NTM: variants seen among roughly 807,000 people sequenced by gnomAD.
The protein encoded by NTM is IgLON family member 2.
Under a neutral mutation model 42.1 loss-of-function variants are expected in NTM, and 13 were observed. The observed-to-expected ratio is 0.31, with a 90% confidence interval of 0.20 to 0.49. The LOEUF is 0.49. Among genes scored for constraint, NTM ranks in the 20% least tolerant of loss-of-function variants. The pLI, the probability that NTM is intolerant of heterozygous loss-of-function variation, is 0.99. For missense variants in NTM, 373 were observed against 452.8 expected, an observed-to-expected ratio of 0.82 and a Z score of 1.60; for synonymous variants, 187 against 179.2, an observed-to-expected ratio of 1.04 and a Z score of -0.35.
chr11:132,186,187 G>A (rs1041163364), intron 3 of NTM, among the ~76,000 whole-genome samples: 10 of 152,152 alleles, frequency 6.6e-5, no homozygotes, highest in Non-Finnish European at 8.8e-5. Context: ...GAGCCACTGC[G>A]GTGGCTCTCT....
intron 2 of NTM, among the ~76,000 whole-genome samples, chr11:132,064,732 T>A (rs2081184397): frequency 6.6e-6 from 1 of 152,164 alleles, no homozygotes. Context: ...AACCCCATGG[T>A]TCCAGTCCAT....
chr11:131,514,587 T>A (rs900210027), intron 1 of NTM, among the ~76,000 whole-genome samples: 8 of 152,158 alleles, frequency 5.3e-5, no homozygotes, highest in Admixed American at 3.9e-4. Context: ...TATTTATTTA[T>A]TTAATTATTT....
At chr11:131,798,589 A>G (rs932819199) in intron 1 of NTM, among the ~76,000 whole-genome samples, 1 of 152,212 alleles carries the variant, frequency 6.6e-6, no homozygotes, top group South Asian at 2.1e-4. Flanking sequence ...TGACTTTTAA[A>G]AGGAGACGCA....
chr11:131,630,626 A>G (rs565377438), intron 1 of NTM, among the ~76,000 whole-genome samples: 5 of 152,274 alleles, frequency 3.3e-5, no homozygotes, highest in African/African-American at 1.2e-4. Context: ...GGACAAGTCA[A>G]AAGTTGAAGA....
chr11:131,682,083 GAC>G (rs1290423072), intron 1 of NTM, among the ~76,000 whole-genome samples: 1 of 152,152 alleles, frequency 6.6e-6, no homozygotes, highest in Non-Finnish European at 1.5e-5. Context: ...CGCACCTAGT[GAC>G]ACCTTTCACC....
chr11:132,007,732 G>A (rs1017277427), intron 2 of NTM, among the ~76,000 whole-genome samples: 2 of 152,144 alleles, frequency 1.3e-5, no homozygotes, highest in East Asian at 1.9e-4. Context: ...GGTTTTATGA[G>A]TTTGGGGCAC....
At chr11:131,717,942 T>A (rs1246284548) in intron 1 of NTM, among the ~76,000 whole-genome samples, 2 of 152,212 alleles carry the variant, frequency 1.3e-5, no homozygotes, top group Non-Finnish European at 2.9e-5. Flanking sequence ...GTTTGTCAAA[T>A]GCTTTCGTCT....
chr11:131,580,120 C>T (rs572339295), intron 1 of NTM, among the ~76,000 whole-genome samples: 4 of 152,172 alleles, frequency 2.6e-5, no homozygotes, highest in East Asian at 1.9e-4. Context: ...TAAAGGAATC[C>T]GAGAGCTCAT....
chr11:132,275,549 C>T (rs1026223270), intron 4 of NTM, among the ~76,000 whole-genome samples: 1 of 151,010 alleles, frequency 6.6e-6, no homozygotes, highest in Non-Finnish European at 1.5e-5. Flanking sequence ...GCATACTTCG[C>T]TTTTCCACAT....
chr11:131,493,449 A>C (rs114561793), intron 1 of NTM, among the ~76,000 whole-genome samples: 1 of 152,138 alleles, frequency 6.6e-6, no homozygotes, highest in East Asian at 1.9e-4. Flanking sequence ...CAGGTGATCC[A>C]GGTTGCAGCT....
intron 1 of NTM, among the ~76,000 whole-genome samples, chr11:131,883,121 C>G (rs1054524687): frequency 1.3e-5 from 2 of 152,176 alleles, no homozygotes; most frequent in Non-Finnish European, 2.9e-5. Context: ...CAAACCGTCC[C>G]CATGAATGAG....
chr11:131,459,385 T>C (rs1187152853), intron 1 of NTM, among the ~76,000 whole-genome samples: 6 of 152,258 alleles, frequency 3.9e-5, no homozygotes, highest in Non-Finnish European at 8.8e-5. Flanking sequence ...AAATTCTATG[T>C]TCATCTATAG....
Position 131,935,609 on chromosome 11 carries a change from G to A in NTM, c.167+23961G>A, listed in dbSNP as rs1814545179. ...GGTGTCATGAGGATAGGTGGGGGAG[G>A]GAAGGGGAGGGTTCCCTGGCCTGTT... On this transcript the variant is annotated intron_variant, in intron 2 of 8. Transcript: ENST00000683400. Among the ~76,000 whole-genome samples the A allele has an allele frequency of 2.0e-5, 3 of 152,044 alleles. No homozygotes were observed. In the South Asian group the frequency reaches 6.2e-4, roughly 32 times the overall value.
chr11:131,769,244 T>C (rs2135896311), intron 1 of NTM, among the ~76,000 whole-genome samples: 1 of 152,316 alleles, frequency 6.6e-6, no homozygotes, highest in African/African-American at 2.4e-5. Context: ...TACTTTGTTT[T>C]CCTCCATTCT....
At chr11:132,273,298 TG>T (rs1435310894) in intron 4 of NTM, among the ~76,000 whole-genome samples, 38 of 148,192 alleles carry the variant, frequency 2.6e-4, no homozygotes, top group Middle Eastern at 6.9e-3. Flanking sequence ...TGCCAGGTTT[TG>T]TTGACTAGTG....
intron 4 of NTM, among the ~76,000 whole-genome samples, chr11:132,247,449 T>C (rs1441027076): frequency 6.6e-6 from 1 of 152,234 alleles, no homozygotes; most frequent in Non-Finnish European, 1.5e-5. Flanking sequence ...AGGAAATATA[T>C]ACGTGCTATA....
At chr11:131,616,383 AC>A (rs2061941388) in intron 1 of NTM, among the ~76,000 whole-genome samples, 1 of 152,194 alleles carries the variant, frequency 6.6e-6, no homozygotes, top group African/African-American at 2.4e-5. Flanking sequence ...ATGACCGCGG[AC>A]GGAGGCAAGG....
chr11:132,092,233 G>C (rs939119514), intron 2 of NTM, among the ~76,000 whole-genome samples: 1 of 152,078 alleles, frequency 6.6e-6, no homozygotes, highest in Non-Finnish European at 1.5e-5. Context: ...ATTCTGTTCT[G>C]TCTCTTCCCT....
chr11:132,335,205 A>G lies in NTM; in HGVS notation c.*59A>G. 6.3e-7 allele frequency: 1 copy of G among 1,581,532 alleles called. No individual in the cohort carries two copies. Among genetic ancestry groups the G allele is most frequent in the Non-Finnish European group, 8.6e-7 (1 of 1,157,496 alleles). Reference sequence around the variant, plus strand: ...CCGCCACCACCACCACCAACACAACAGCAATGGCAACACCGACAGCAACCA... The same window carrying G: ...CCGCCACCACCACCACCAACACAACGGCAATGGCAACACCGACAGCAACCA... On this transcript the variant is annotated 3_prime_UTR_variant, in exon 9 of 9. Coordinates refer to ENST00000683400, the MANE Select transcript of NTM (RefSeq NM_001352005.2).
Sources: gnomAD v4.1 joint callset for allele counts (sites outside exome capture counted in the v4.1 genomes callset) on GRCh38, gnomAD v4.1.1 for gene constraint, MANE v1.5 for transcripts, NCBI Gene and HGNC (gene_info 2026-07-23, HGNC 2026-07-21) for gene names.